PLCZ1: variants seen among roughly 807,000 people sequenced by gnomAD.
The protein encoded by PLCZ1 is 1-phosphatidylinositol 4,5-bisphosphate phosphodiesterase zeta-1.
A neutral mutation model predicts 76.8 loss-of-function variants in PLCZ1; 64 were observed. The observed-to-expected ratio is 0.83, with a 90% CI of 0.68 to 1.03. The LOEUF is 1.03. Ranked by LOEUF, PLCZ1 falls within the 50% of genes least tolerant of loss-of-function variation. The pLI is 0.00. For missense variants in PLCZ1, 751 were observed against 713.7 expected (o/e 1.05, Z -0.60); for synonymous variants, 248 against 230.8 (o/e 1.07, Z -0.68).
At chr12:18,664,965 C>T in the PLCZ1 span, among the ~76,000 whole-genome samples, 1 of 130,190 alleles carries the variant, frequency 7.7e-6, no homozygotes, top group African/African-American at 3.0e-5. Flanking sequence ...AATGAGGACA[C>T]ATGGACACAG....
At chr12:18,669,736 C>G in the PLCZ1 span, among the ~76,000 whole-genome samples, 1 of 152,070 alleles carries the variant, frequency 6.6e-6, no homozygotes, top group Non-Finnish European at 1.5e-5. Flanking sequence ...CAGCTCACTG[C>G]AACCTCCGCC....
In PLCZ1 at chr12:18,698,914, C is replaced by T. The variant is rs545719503; in HGVS notation, c.1174+880G>A. On this transcript the variant is annotated intron_variant, in intron 10 of 14. Coordinates refer to ENST00000266505, the MANE Select transcript of PLCZ1 (RefSeq NM_033123.4). ...TTGTATCCATTATTGTCCTTACTTC[C>T]CCCATACCCCTGCTACTAAAAAAAA... is the stretch of plus-strand genomic sequence containing the variant. 2.0e-5 allele frequency among the ~76,000 whole-genome samples: 3 copies of T among 152,180 alleles called. No homozygotes were observed. The South Asian group carries it at 6.2e-4, about 32-fold the overall frequency.
chr12:18,645,616 T>C, the PLCZ1 span, among the ~76,000 whole-genome samples: 4 of 152,180 alleles, frequency 2.6e-5, no homozygotes, highest in African/African-American at 9.7e-5. Context: ...TGTTCCTTTT[T>C]GTGTATTTGA....
In PLCZ1 at chr12:18,693,993, C is replaced by T. The variant is rs527602293; in HGVS notation, c.1461+917G>A. ...GTCTGTACAGAAGCTGGTCTGATGG[C>T]CTTAAGAGAACGTAGAATGAAAGTA... On this transcript the variant is annotated intron_variant, in intron 12 of 14. Transcript: ENST00000266505. 26 of 1,489,932 alleles carry T rather than the reference C, an allele frequency of 1.7e-5. No individual in the cohort carries two copies. The African/African-American group carries it at 2.8e-4, about 16-fold the overall frequency. 92.3% of individuals were successfully genotyped at this position (1,489,932 alleles called of 1,614,324 possible). A position where few individuals can be genotyped will look rare whatever the true frequency, so the allele number is the denominator to read the frequency against.
rs746742128 is a variant in PLCZ1 at position 18,688,052 on chromosome 12, T to A, written c.1591+37A>T. The stretch of plus-strand genomic sequence containing the variant: ...AATTTGTAAGCTTTCCAACAAGAAG[T>A]CTAATGGAAATTCAATAAGGTATAT... On this transcript the variant is annotated intron_variant, in intron 13 of 14. Coordinates refer to ENST00000266505, the MANE Select transcript of PLCZ1 (RefSeq NM_033123.4). 1.8e-5 allele frequency: 29 copies of A among 1,604,128 alleles called. No individual in the cohort carries two copies. The Admixed American group carries it at 1.8e-4, about 10-fold the overall frequency.
rs778265588 is a variant in PLCZ1 at position 18,699,864 on chromosome 12, T to A, written c.1104A>T (p.Arg368Ser). ...AEKFKSFQHS[R>S]LYQQFNENNS... ...TATTTTCATTAAATTGCTGATATAA[T>A]CTTGAATGTTGAAAGCTTTTGAATT... is the stretch of plus-strand genomic sequence containing the variant. Residue 368 changes from arginine to serine, a missense_variant, in exon 10 of 15, where the codon AGA (arginine) becomes AGT (serine). Physicochemically the swap from Arg to Ser is moderately radical, Grantham distance 110 (BLOSUM62 -1). Coordinates refer to ENST00000266505, the MANE Select transcript of PLCZ1 (RefSeq NM_033123.4). 2.4e-5 allele frequency: 38 copies of A among 1,613,050 alleles called. No individual in the cohort carries two copies. Among genetic ancestry groups the A allele is most frequent in the Non-Finnish European group, 3.4e-6 (4 of 1,179,540 alleles).
At chr12:18,709,231 T>A (rs983810581) in intron 6 of PLCZ1, among the ~76,000 whole-genome samples, 2 of 141,244 alleles carry the variant, frequency 1.4e-5, no homozygotes, top group Admixed American at 7.4e-5. Flanking sequence ...TTCTTTAGCA[T>A]GTCGAAATTC....
the PLCZ1 span, among the ~76,000 whole-genome samples, chr12:18,653,842 T>C: frequency 6.6e-6 from 1 of 152,044 alleles, no homozygotes. Context: ...AAAGAGAAAA[T>C]GCCCTCTTCC....
the PLCZ1 span, among the ~76,000 whole-genome samples, chr12:18,650,322 TCTCTCTC>T: frequency 9.4e-6 from 1 of 106,464 alleles, no homozygotes; most frequent in Non-Finnish European, 1.9e-5. Context: ...TCTCTCTCTC[TCTCTCTC>T]TCTATATATA....
At chr12:18,662,308 A>AAAG in the PLCZ1 span, among the ~76,000 whole-genome samples, 2 of 151,734 alleles carry the variant, frequency 1.3e-5, no homozygotes, top group African/African-American at 4.8e-5. Flanking sequence ...ACCTCTAAAC[A>AAAG]TAAAGGTTTT....
At chr12:18,651,829 G>A in the PLCZ1 span, among the ~76,000 whole-genome samples, 596 of 152,246 alleles carry the variant, frequency 3.9e-3, 6 homozygotes, top group African/African-American at 0.014. Flanking sequence ...ACAGACATAT[G>A]CATGAGGCAA....
the PLCZ1 span, among the ~76,000 whole-genome samples, chr12:18,663,404 A>G: frequency 6.6e-6 from 1 of 152,140 alleles, no homozygotes; most frequent in East Asian, 1.9e-4. Context: ...TATTTACATA[A>G]CATTTACATT....
At chr12:18,699,710 T>A in intron 10 of PLCZ1, 84 bp downstream of exon 10, 4 of 1,352,202 alleles carry the variant, frequency 3.0e-6, no homozygotes, top group Non-Finnish European at 4.2e-6. Context: ...ATACATTTTA[T>A]AAATATCATT....
At chr12:18,705,359 A>C in intron 6 of PLCZ1, 44 bp from the exon 7 acceptor site, 1 of 1,606,214 alleles carries the variant, frequency 6.2e-7, no homozygotes, top group Non-Finnish European at 8.5e-7. Context: ...AAAACTTCTA[A>C]ATAATTGTAA....
chr12:18,696,322 C>CTATATATA lies in PLCZ1; in HGVS notation c.1175-64_1175-57dup, dbSNP rs71440372. 6.5e-3 allele frequency: 1,735 copies of CTATATATA among 267,380 alleles called. 87 individuals are homozygous for CTATATATA. The highest frequency in any genetic ancestry group is 0.029 in the African/African-American group (472 of 16,340). 16.6% of individuals were successfully genotyped at this position (267,380 alleles called of 1,614,324 possible). A position where few individuals can be genotyped will look rare whatever the true frequency, so the allele number is the denominator to read the frequency against. On this transcript the variant is annotated intron_variant, in intron 10 of 14. Transcript: ENST00000266505. ...GAATTCAAATAAATTTAAAAAGCCACTATATATATATATATATATATATAT... is the reference window on the plus strand; with the variant it reads ...GAATTCAAATAAATTTAAAAAGCCACTATATATATATATATATATATATATATATATAT...
rs1165535444 is a variant in PLCZ1, at chr12:18,712,313, TA to T, written c.714+528del. Among the ~76,000 whole-genome samples, 7 of 152,306 alleles carry T rather than the reference TA, an allele frequency of 4.6e-5. No homozygotes were observed. The East Asian group carries it at 1.4e-3, about 29-fold the overall frequency. On this transcript the variant is annotated intron_variant, in intron 6 of 14. Coordinates refer to ENST00000266505, the MANE Select transcript of PLCZ1 (RefSeq NM_033123.4). The stretch of plus-strand genomic sequence containing the variant: ...TGCTCAATTTATAGAGTAGGATTCA[TA>T]AACTGAGCTCAAATTCTAGGAATAA...
chr12:18,690,656 T>A (rs1953930563), intron 12 of PLCZ1, among the ~76,000 whole-genome samples: 1 of 152,156 alleles, frequency 6.6e-6, no homozygotes, highest in African/African-American at 2.4e-5. Flanking sequence ...ACAGCAAAGC[T>A]ATGAAAAGAA....
the PLCZ1 span, among the ~76,000 whole-genome samples, chr12:18,650,708 A>C: frequency 1.3e-4 from 1 of 7,792 alleles, no homozygotes; most frequent in East Asian, 5.0e-3. Flanking sequence ...GTGTGTGTAT[A>C]TATCTATATA....
chr12:18,728,648 T>TA (rs1958883388), intron 3 of PLCZ1, among the ~76,000 whole-genome samples: 1 of 152,054 alleles, frequency 6.6e-6, no homozygotes, highest in African/African-American at 2.4e-5. Context: ...AAATTTTTTA[T>TA]AAAAAGGGAT....
Sources: allele counts gnomAD v4.1 joint callset (sites outside exome capture counted in the v4.1 genomes callset), GRCh38; gene constraint gnomAD v4.1.1; transcripts MANE v1.5; gene names NCBI Gene and HGNC (gene_info 2026-07-23, HGNC 2026-07-21).